The following CCDC138 variants were observed in gnomAD, a reference collection of about 807,000 sequenced individuals.
CCDC138 encodes coiled-coil domain containing 138, also known as coiled-coil domain-containing protein 138.
A neutral mutation model predicts 82.3 loss-of-function variants in CCDC138; 66 were observed. The ratio of observed to expected loss-of-function variants is 0.80; its 90% confidence interval spans 0.66 to 0.98. The LOEUF is 0.98. Among genes scored for constraint, CCDC138 ranks in the 50% least tolerant of loss-of-function variants. The probability of loss-of-function intolerance (pLI) is 0.00; values close to 1 mark genes in which losing one functional copy is unlikely to be tolerated. For synonymous variants in CCDC138, 297 were observed against 265.4 expected (o/e 1.12, Z -1.16); for missense variants, 816 against 758.9 (o/e 1.08, Z -0.88).
chr2:108,834,152 A>G (rs1314922859), intron 10 of CCDC138, among the ~76,000 whole-genome samples: 3 of 151,586 alleles, frequency 2.0e-5, no homozygotes, highest in Admixed American at 1.3e-4. Flanking sequence ...ATCAGAATCA[A>G]TTGCATATTT....
chr2:108,804,900 A>T lies in CCDC138; in HGVS notation c.747A>T (p.Ala249=). The T allele has an allele frequency of 6.4e-7, 1 of 1,558,306 alleles. No homozygotes were observed. The highest frequency in any genetic ancestry group is 1.2e-5 in the South Asian group (1 of 80,534). Reference sequence around the variant, plus strand: ...TTTTCTCCTCCTAGCAGCATGATGCAGAAGTTGAACACTTAACCGAAGTTC... The same window carrying T: ...TTTTCTCCTCCTAGCAGCATGATGCTGAAGTTGAACACTTAACCGAAGTTC... The part of the protein sequence containing the change: ...RFQIIKEQHD[A]EVEHLTEVLK... Residue 249 remains alanine, a synonymous_variant, in exon 7 of 15, where the codon GCA becomes GCT. Transcript: ENST00000295124.
At chr2:108,864,947 A>G (rs988670644) in intron 13 of CCDC138, among the ~76,000 whole-genome samples, 3 of 152,098 alleles carry the variant, frequency 2.0e-5, no homozygotes, top group African/African-American at 7.2e-5. Context: ...GGCAAGAGTG[A>G]GGCCCTGTTT....
intron 13 of CCDC138, among the ~76,000 whole-genome samples, chr2:108,872,219 C>G (rs1296559007): frequency 1.3e-5 from 2 of 151,440 alleles, no homozygotes; most frequent in African/African-American, 4.8e-5. Flanking sequence ...TTCTCTTCTT[C>G]CCTCCTTCTC....
intron 4 of CCDC138, among the ~76,000 whole-genome samples, chr2:108,792,891 T>C (rs993129338): frequency 1.3e-5 from 2 of 150,444 alleles, no homozygotes; most frequent in South Asian, 4.2e-4. Flanking sequence ...GGTGAAACCC[T>C]GTCTCTACTA....
chr2:108,827,045 C>T (rs905700377), intron 10 of CCDC138, among the ~76,000 whole-genome samples: 2 of 152,062 alleles, frequency 1.3e-5, no homozygotes, highest in Admixed American at 1.3e-4. Context: ...TTGGATTGTA[C>T]ATTACTAATA....
intron 10 of CCDC138, among the ~76,000 whole-genome samples, chr2:108,828,176 A>G (rs537684678): frequency 4.6e-5 from 7 of 152,318 alleles, no homozygotes; most frequent in African/African-American, 1.7e-4. Context: ...TATTGTAGAT[A>G]AATATTTGGA....
chr2:108,809,771 A>G lies in CCDC138; in HGVS notation c.856-2860A>G, dbSNP rs369855667. 5.3e-4 allele frequency among the ~76,000 whole-genome samples: 81 copies of G among 151,450 alleles called. 1 individual carries two copies. The South Asian group carries it at 0.016, about 30-fold the overall frequency. ...GCATTGAAGATCATGTCATCCAAAG[A>G]AGGACAATTTGACTCATTTCCAATT... On this transcript the variant is annotated intron_variant, in intron 7 of 14. Coordinates refer to ENST00000295124, the MANE Select transcript of CCDC138 (RefSeq NM_144978.3).
chr2:108,787,939 C>T (rs1679183598), intron 1 of CCDC138, 93 bp from the exon 2 acceptor site: 2 of 1,082,466 alleles, frequency 1.8e-6, no homozygotes, highest in East Asian at 2.9e-5. Flanking sequence ...TCCACTCTAA[C>T]CTTTGTAATT....
intron 7 of CCDC138, among the ~76,000 whole-genome samples, chr2:108,807,159 C>G (rs1558646981): frequency 6.6e-6 from 1 of 151,982 alleles, no homozygotes; most frequent in African/African-American, 2.4e-5. Flanking sequence ...AGCATACTTG[C>G]GAGTGATCCA....
intron 7 of CCDC138, among the ~76,000 whole-genome samples, chr2:108,807,399 T>A (rs1455450172): frequency 1.3e-5 from 2 of 152,168 alleles, no homozygotes; most frequent in African/African-American, 4.8e-5. Context: ...ATTGACATAA[T>A]TATGCATAAT....
At chr2:108,855,678 G>A (rs1054131653) in intron 12 of CCDC138, among the ~76,000 whole-genome samples, 3 of 152,146 alleles carry the variant, frequency 2.0e-5, no homozygotes, top group Non-Finnish European at 4.4e-5. Context: ...AATTGATCCA[G>A]AGGCACAGAT....
chr2:108,876,058 A>G (rs1384346667), intron 14 of CCDC138, 30 bp from the exon 15 acceptor site: 7 of 1,419,144 alleles, frequency 4.9e-6, no homozygotes, highest in Non-Finnish European at 6.9e-6. Context: ...AAGTATGTGT[A>G]ATTAAATAAT....
intron 10 of CCDC138, among the ~76,000 whole-genome samples, chr2:108,838,539 G>A (rs894490563): frequency 2.6e-5 from 4 of 152,088 alleles, no homozygotes; most frequent in Non-Finnish European, 4.4e-5. Flanking sequence ...AGAAGTGGGA[G>A]TATTCTGTTA....
downstream of CCDC138, among the ~76,000 whole-genome samples, chr2:108,877,706 A>T (rs756512769): frequency 1.1e-4 from 17 of 152,192 alleles, no homozygotes; most frequent in Non-Finnish European, 2.5e-4. Flanking sequence ...AGTGGAGCGG[A>T]AGCAATATTC....
intron 10 of CCDC138, among the ~76,000 whole-genome samples, chr2:108,823,445 A>AT (rs1170974553): frequency 1.3e-5 from 2 of 152,250 alleles, no homozygotes; most frequent in Non-Finnish European, 2.9e-5. Context: ...ATAGGACCAC[A>AT]TTCTGAGAAA....
intron 4 of CCDC138, among the ~76,000 whole-genome samples, chr2:108,794,082 A>C (rs1680434474): frequency 6.6e-6 from 1 of 152,208 alleles, no homozygotes. Flanking sequence ...AAATTATGTT[A>C]ATATAATTAC....
intron 5 of CCDC138, among the ~76,000 whole-genome samples, chr2:108,796,738 A>C (rs1040645247): frequency 4.6e-5 from 7 of 152,188 alleles, no homozygotes; most frequent in Admixed American, 1.3e-4. Context: ...CAGACATTGC[A>C]TGTTCTCACT....
chr2:108,867,780 T>A (rs1406419260), intron 13 of CCDC138, among the ~76,000 whole-genome samples: 1 of 152,198 alleles, frequency 6.6e-6, no homozygotes, highest in African/African-American at 2.4e-5. Flanking sequence ...AGGTTTTTGG[T>A]TGGTATTGAA....
Position 108,798,500 on chromosome 2 carries a change from C to A in CCDC138, c.649C>A (p.Gln217Lys), listed in dbSNP as rs375884215. ...KRERFLLERE[Q>K]LLFRHENALS... ...AGAACGTTTTTTACTTGAAAGAGAA[C>A]AACTGCTTTTCAGACATGAAAATGC... Residue 217 changes from glutamine to lysine, a missense_variant, in exon 6 of 15, where the codon CAA becomes AAA. By Grantham distance (53) the Gln-to-Lys change is moderately conservative. Transcript: ENST00000295124. 51 of 1,613,742 alleles carry A rather than the reference C, an allele frequency of 3.2e-5. No individual in the cohort carries two copies. Among genetic ancestry groups the A allele is most frequent in the Non-Finnish European group, 3.9e-5 (46 of 1,179,890 alleles).
Sources: gnomAD v4.1 joint callset for allele counts (sites outside exome capture counted in the v4.1 genomes callset) on GRCh38, gnomAD v4.1.1 for gene constraint, MANE v1.5 for transcripts, NCBI Gene and HGNC (gene_info 2026-07-23, HGNC 2026-07-21) for gene names.